Variants in LIPC observed in about 807,000 individuals in gnomAD.
LIPC encodes hepatic triacylglycerol lipase.
Under a neutral mutation model 50.7 loss-of-function variants are expected in LIPC, and 44 were observed. The observed-to-expected ratio is 0.87, with a 90% CI of 0.68 to 1.11. LIPC has a LOEUF of 1.11. Among genes scored for constraint, LIPC ranks in the 50% most tolerant of loss-of-function variants. LIPC has a pLI of 0.00. For synonymous variants in LIPC, 271 were observed against 256.4 expected, an observed-to-expected ratio of 1.06 and a Z score of -0.54; for missense variants, 697 against 648.2, an observed-to-expected ratio of 1.08 and a Z score of -0.82.
chr15:58,543,713 C>T (rs377679878), intron 4 of LIPC, among the ~76,000 whole-genome samples: 1 of 152,038 alleles, frequency 6.6e-6, no homozygotes, highest in African/African-American at 2.4e-5. Context: ...GTTAACTCAC[C>T]GCAACCTCTG....
chr15:58,432,952 T>G (rs1011483768), intron 1 of LIPC, among the ~76,000 whole-genome samples: 2 of 152,202 alleles, frequency 1.3e-5, no homozygotes, highest in Non-Finnish European at 2.9e-5. Context: ...AATTAGAAAT[T>G]CCCTAACGGG....
chr15:58,444,372 C>G (rs1315868900), intron 1 of LIPC, among the ~76,000 whole-genome samples: 3 of 152,206 alleles, frequency 2.0e-5, no homozygotes, highest in Middle Eastern at 6.3e-3. Context: ...GAGATTTCGC[C>G]ACACACCAGC....
intron 1 of LIPC, among the ~76,000 whole-genome samples, chr15:58,518,348 A>G (rs1430802742): frequency 6.6e-6 from 1 of 152,222 alleles, no homozygotes; most frequent in Non-Finnish European, 1.5e-5. Flanking sequence ...TTGAGAAAGC[A>G]GTGGTGATTA....
chr15:58,477,017 CCTTCCCACTT>C (rs1238319549), intron 1 of LIPC, among the ~76,000 whole-genome samples: 1 of 152,182 alleles, frequency 6.6e-6, no homozygotes, highest in Non-Finnish European at 1.5e-5. Context: ...TGTTAAGCTG[CCTTCCCACTT>C]CATCCATGTT....
At chr15:58,494,663 A>G in intron 1 of LIPC, 2 of 432,482 alleles carry the variant, frequency 4.6e-6, no homozygotes, top group East Asian at 7.0e-5. Flanking sequence ...GTGCCAATGT[A>G]TATTTCACAT....
intron 1 of LIPC, among the ~76,000 whole-genome samples, chr15:58,471,723 A>C (rs1484080299): frequency 6.6e-6 from 1 of 152,196 alleles, no homozygotes; most frequent in Non-Finnish European, 1.5e-5. Flanking sequence ...GAATTGAGCC[A>C]AATAGAAATG....
At chr15:58,547,603 A>G (rs1413682181) in intron 5 of LIPC, among the ~76,000 whole-genome samples, 1 of 151,086 alleles carries the variant, frequency 6.6e-6, no homozygotes, top group Non-Finnish European at 1.5e-5. Context: ...AGAATTATTT[A>G]CCACAGATTA....
chr15:58,459,998 T>C (rs1211680081), intron 1 of LIPC, among the ~76,000 whole-genome samples: 1 of 152,082 alleles, frequency 6.6e-6, no homozygotes, highest in Admixed American at 6.5e-5. Flanking sequence ...GGAAAACAAC[T>C]CTCAAGGCTC....
At chr15:58,465,943 A>G (rs1426708199) in intron 1 of LIPC, among the ~76,000 whole-genome samples, 2 of 152,190 alleles carry the variant, frequency 1.3e-5, no homozygotes, top group Non-Finnish European at 2.9e-5. Context: ...CTTTTGGTAG[A>G]GATCTAAAAT....
chr15:58,548,563 C>T lies in LIPC; in HGVS notation c.1042C>T (p.Pro348Ser). Residue 348 changes from proline (P) to serine (S), a missense_variant, in exon 6 of 9, where the codon CCC becomes TCC. Physicochemically the swap from Pro to Ser is moderately conservative, Grantham distance 74. Coordinates refer to ENST00000299022, the MANE Select transcript of LIPC (RefSeq NM_000236.3). Reference sequence around the variant, plus strand: ...CTTCCTCGTAACGCGAGCCCAGTCCCCCTTCAAAGGTGAGTGTGGAGCTGG... The same window carrying T: ...CTTCCTCGTAACGCGAGCCCAGTCCTCCTTCAAAGGTGAGTGTGGAGCTGG... ...RLFLVTRAQS[P>S]FKVYHYQFKI... The T allele has an allele frequency of 6.3e-7, 1 of 1,591,080 alleles. No homozygotes were observed. Among genetic ancestry groups the T allele is most frequent in the Non-Finnish European group, 8.5e-7 (1 of 1,169,710 alleles).
At chr15:58,537,004 G>A (rs928265590) in intron 1 of LIPC, among the ~76,000 whole-genome samples, 1 of 152,102 alleles carries the variant, frequency 6.6e-6, no homozygotes, top group Non-Finnish European at 1.5e-5. Context: ...GAATGATCAG[G>A]GTCCTTATTA....
chr15:58,459,109 G>C (rs370370871), intron 1 of LIPC, among the ~76,000 whole-genome samples: 1 of 152,116 alleles, frequency 6.6e-6, no homozygotes, highest in East Asian at 1.9e-4. Context: ...TTTTAGGTGA[G>C]GTATGTATTT....
rs774346703 is a variant in LIPC, at chr15:58,541,910, C to T, written c.399C>T (p.Ala133=). 1.2e-4 allele frequency: 194 copies of T among 1,611,792 alleles called. No homozygotes were observed. The highest frequency in any genetic ancestry group is 2.1e-4 in the South Asian group (19 of 90,976). ...TGGCCCACGACCACTACACCATCGC[C>T]GTCCGCAACACCCGCCTTGTGGGCA... ...ITLAHDHYTI[A]VRNTRLVGKE... The change falls in exon 3 of 9, where the codon GCC becomes GCT. Residue 133 remains alanine, a synonymous_variant. Coordinates refer to ENST00000299022, the MANE Select transcript of LIPC (RefSeq NM_000236.3).
chr15:58,461,122 G>A (rs527746012), intron 1 of LIPC, among the ~76,000 whole-genome samples: 6 of 152,244 alleles, frequency 3.9e-5, no homozygotes, highest in East Asian at 3.9e-4. Context: ...GGAGGGAGAC[G>A]TCATAACAAG....
chr15:58,484,681 C>T (rs1595887615), intron 1 of LIPC, among the ~76,000 whole-genome samples: 1 of 152,188 alleles, frequency 6.6e-6, no homozygotes, highest in South Asian at 2.1e-4. Flanking sequence ...GGCCCTGGAG[C>T]CCACACACTC....
At chr15:58,539,460 C>T (rs557329426) in intron 2 of LIPC, among the ~76,000 whole-genome samples, 3 of 152,100 alleles carry the variant, frequency 2.0e-5, no homozygotes, top group Non-Finnish European at 1.5e-5. Flanking sequence ...ATATTATTGG[C>T]AATAGATGAA....
At chr15:58,549,406 G>A (rs767657797) in intron 6 of LIPC, among the ~76,000 whole-genome samples, 4 of 152,214 alleles carry the variant, frequency 2.6e-5, no homozygotes, top group Non-Finnish European at 4.4e-5. Context: ...ATGTAAACAG[G>A]CCGTCACCAC....
intron 1 of LIPC, among the ~76,000 whole-genome samples, chr15:58,445,237 G>C (rs74016175): frequency 0.019 from 2,824 of 152,342 alleles, 96 homozygotes; most frequent in African/African-American, 0.065. Context: ...ATGTGTGAGT[G>C]AGTGATGAAA....
At chr15:58,565,941 G>C in intron 8 of LIPC, 4 of 983,526 alleles carry the variant, frequency 4.1e-6, no homozygotes, top group Non-Finnish European at 4.8e-6. Flanking sequence ...TCTGAGTTGT[G>C]GCTCTTGGTA....
Sources: gnomAD v4.1 joint callset for allele counts (sites outside exome capture counted in the v4.1 genomes callset) on GRCh38, gnomAD v4.1.1 for gene constraint, MANE v1.5 for transcripts, NCBI Gene and HGNC (gene_info 2026-07-23, HGNC 2026-07-21) for gene names.